Variants in PDE3A observed in about 807,000 individuals in gnomAD.
The protein encoded by PDE3A is cGMP-inhibited 3',5'-cyclic phosphodiesterase 3A.
PDE3A carries 43 observed loss-of-function variants against 98.3 expected under a neutral mutation model. The ratio of observed to expected loss-of-function variants is 0.44; its 90% confidence interval spans 0.34 to 0.56. The LOEUF (loss-of-function observed/expected upper bound fraction) is 0.56. PDE3A is among the 20% of genes least tolerant of loss of function. The pLI, the probability that PDE3A is intolerant of heterozygous loss-of-function variation, is 0.01. For missense variants in PDE3A, 1,427 were observed against 1,440.7 expected (o/e 0.99, Z 0.15); for synonymous variants, 663 against 567.9 (o/e 1.17, Z -2.38).
intron 1 of PDE3A, among the ~76,000 whole-genome samples, chr12:20,390,371 G>A (rs1247555003): frequency 3.3e-5 from 5 of 151,492 alleles, no homozygotes; most frequent in Non-Finnish European, 7.4e-5. Context: ...ACACGAGGAG[G>A]CATTTAAGAG....
chr12:20,640,704 C>A (rs1264934707), intron 10 of PDE3A, among the ~76,000 whole-genome samples: 1 of 151,854 alleles, frequency 6.6e-6, no homozygotes, highest in Non-Finnish European at 1.5e-5. Context: ...CAGGAATCAT[C>A]GATTATAACA....
At chr12:20,456,731 A>G (rs2120908703) in intron 1 of PDE3A, among the ~76,000 whole-genome samples, 1 of 152,248 alleles carries the variant, frequency 6.6e-6, no homozygotes, top group East Asian at 1.9e-4. Flanking sequence ...TGGTTATTTC[A>G]GTTCTTAGAA....
At chr12:20,451,259 G>A (rs914975685) in intron 1 of PDE3A, among the ~76,000 whole-genome samples, 3 of 151,990 alleles carry the variant, frequency 2.0e-5, no homozygotes, top group African/African-American at 7.2e-5. Flanking sequence ...TCAGTTATTC[G>A]GTGGTCTTTT....
intron 1 of PDE3A, among the ~76,000 whole-genome samples, chr12:20,466,465 G>A (rs1945341166): frequency 6.6e-6 from 1 of 152,130 alleles, no homozygotes; most frequent in South Asian, 2.1e-4. Flanking sequence ...CCATCTAACA[G>A]GGTGCGCTGA....
At chr12:20,436,839 A>G (rs944257344) in intron 1 of PDE3A, among the ~76,000 whole-genome samples, 1 of 152,204 alleles carries the variant, frequency 6.6e-6, no homozygotes, top group Non-Finnish European at 1.5e-5. Context: ...AACCTTTTAC[A>G]TGTAATTGCG....
intron 2 of PDE3A, among the ~76,000 whole-genome samples, chr12:20,585,488 C>T (rs1278575340): frequency 6.6e-6 from 1 of 152,190 alleles, no homozygotes; most frequent in Non-Finnish European, 1.5e-5. Context: ...TATTGAATAT[C>T]ATGTAATGCT....
chr12:20,609,012 G>T (rs543415564), intron 2 of PDE3A, among the ~76,000 whole-genome samples: 22 of 152,120 alleles, frequency 1.4e-4, no homozygotes, highest in African/African-American at 5.3e-4. Flanking sequence ...GATCACACTG[G>T]ATGAGATTTT....
intron 1 of PDE3A, among the ~76,000 whole-genome samples, chr12:20,451,313 T>C (rs1044016117): frequency 6.6e-6 from 1 of 152,194 alleles, no homozygotes; most frequent in Admixed American, 6.5e-5. Flanking sequence ...TTGCTCTGTC[T>C]ACCAGGCTGG....
chr12:20,645,992 T>A (rs1944767123), intron 10 of PDE3A, among the ~76,000 whole-genome samples: 1 of 152,224 alleles, frequency 6.6e-6, no homozygotes, highest in Non-Finnish European at 1.5e-5. Context: ...ATATAAAAGA[T>A]ATGTTATTGC....
intron 1 of PDE3A, among the ~76,000 whole-genome samples, chr12:20,436,260 C>G (rs1035107102): frequency 6.6e-6 from 1 of 152,060 alleles, no homozygotes; most frequent in African/African-American, 2.4e-5. Context: ...GCTTCAATGA[C>G]AGCAGCTGCG....
At chr12:20,581,214 G>T (rs953171355) in intron 2 of PDE3A, among the ~76,000 whole-genome samples, 1 of 152,094 alleles carries the variant, frequency 6.6e-6, no homozygotes, top group Non-Finnish European at 1.5e-5. Flanking sequence ...TTAATATGAC[G>T]AATGCATTAA....
At chr12:20,527,176 A>G (rs1472578438) in intron 1 of PDE3A, among the ~76,000 whole-genome samples, 1 of 151,962 alleles carries the variant, frequency 6.6e-6, no homozygotes, top group Non-Finnish European at 1.5e-5. Context: ...GCCTCGGATT[A>G]CAGGGGTGAG....
In PDE3A at chr12:20,613,625, C is replaced by T. The variant is rs10743380; in HGVS notation, c.1194C>T (p.Val398=). 1,499,910 of 1,613,638 alleles carry T rather than the reference C, an allele frequency of 0.93. 697,980 individuals are homozygous for T. Among genetic ancestry groups the T allele is most frequent in the East Asian group, 1 (44,793 of 44,862 alleles). Residue 398 remains valine, a synonymous_variant, in exon 3 of 16, where the codon GTC becomes GTT. Coordinates refer to ENST00000359062, the MANE Select transcript of PDE3A (RefSeq NM_000921.5). ...QAIHKPRVNP[V]TSLSENYTCS... is the part of the protein sequence containing the mutation. ...TTCACAAGCCCAGAGTGAATCCCGT[C>T]ACTTCGCTCAGTGAAAACTATACCT...
intron 5 of PDE3A, among the ~76,000 whole-genome samples, chr12:20,627,277 AATTGCTGTTTTTGCAATTACTTTTC>A (rs1214857319): frequency 6.6e-6 from 1 of 151,962 alleles, no homozygotes; most frequent in Non-Finnish European, 1.5e-5. Context: ...AATTACTTTT[AATTGCTGTTTTTGCAATTACTTTTC>A]ATTGCAAAAA....
At chr12:20,421,128 A>G (rs1159532978) in intron 1 of PDE3A, among the ~76,000 whole-genome samples, 2 of 152,186 alleles carry the variant, frequency 1.3e-5, no homozygotes, top group African/African-American at 4.8e-5. Context: ...AGACAAAACC[A>G]TGTTCCTTGA....
chr12:20,670,216 C>A (rs61921483), intron 15 of PDE3A, among the ~76,000 whole-genome samples: 10 of 149,822 alleles, frequency 6.7e-5, no homozygotes, highest in African/African-American at 2.2e-4. Flanking sequence ...GAGTGACCTA[C>A]AAAGAGACTT....
At chr12:20,497,134 T>C (rs1460804627) in intron 1 of PDE3A, among the ~76,000 whole-genome samples, 1 of 152,154 alleles carries the variant, frequency 6.6e-6, no homozygotes, top group African/African-American at 2.4e-5. Context: ...CTGTAAGTAG[T>C]TGTGCTCTAA....
chr12:20,604,705 A>AAAT (rs1301264026), intron 2 of PDE3A, among the ~76,000 whole-genome samples: 3 of 152,210 alleles, frequency 2.0e-5, no homozygotes, highest in Non-Finnish European at 4.4e-5. Context: ...AGAATCATAA[A>AAAT]AATATGATAT....
chr12:20,383,376 A>G (rs982768010), intron 1 of PDE3A, among the ~76,000 whole-genome samples: 40 of 151,936 alleles, frequency 2.6e-4, no homozygotes, highest in African/African-American at 9.7e-4. Flanking sequence ...CTCAAATGAC[A>G]GGGACTTTCT....
Sources: gnomAD v4.1 joint callset for allele counts (sites outside exome capture counted in the v4.1 genomes callset) on GRCh38, gnomAD v4.1.1 for gene constraint, MANE v1.5 for transcripts, NCBI Gene and HGNC (gene_info 2026-07-23, HGNC 2026-07-21) for gene names.